CSMD3: variants seen among roughly 807,000 people sequenced by gnomAD.
CSMD3 encodes the protein CUB and sushi domain-containing protein 3.
Under a neutral mutation model 435.2 loss-of-function variants are expected in CSMD3, and 177 were observed. The observed-to-expected ratio is 0.41, with a 90% confidence interval of 0.36 to 0.46. The LOEUF (loss-of-function observed/expected upper bound fraction) is 0.46. Ranked by LOEUF, CSMD3 falls within the 20% of genes least tolerant of loss-of-function variation. CSMD3 has a pLI of 0.34. For missense variants in CSMD3, 4,265 were observed against 4,504.6 expected (o/e 0.95, Z 1.52); for synonymous variants, 1,656 against 1,520.5 (o/e 1.09, Z -2.07).
At chr8:112,700,416 G>A (rs573254401) in intron 13 of CSMD3, among the ~76,000 whole-genome samples, 1 of 152,042 alleles carries the variant, frequency 6.6e-6, no homozygotes, top group South Asian at 2.1e-4. Context: ...CTGGAAAATC[G>A]CTTGAACCCA....
chr8:112,490,502 T>C (rs1820581454), intron 31 of CSMD3, among the ~76,000 whole-genome samples: 1 of 152,178 alleles, frequency 6.6e-6, no homozygotes, highest in Non-Finnish European at 1.5e-5. Flanking sequence ...GGTGGGCATA[T>C]TCTTAGTGAA....
chr8:112,571,629 G>A (rs1307184749), intron 24 of CSMD3, among the ~76,000 whole-genome samples: 1 of 151,858 alleles, frequency 6.6e-6, no homozygotes, highest in Non-Finnish European at 1.5e-5. Flanking sequence ...AGCACTTTGC[G>A]AGGCCTAGGT....
chr8:112,967,172 C>T (rs542500276), intron 7 of CSMD3, among the ~76,000 whole-genome samples: 1 of 92,958 alleles, frequency 1.1e-5, no homozygotes, highest in Admixed American at 1.4e-4. Flanking sequence ...AAGACCTATA[C>T]TCCAAGAAAC....
intron 58 of CSMD3, among the ~76,000 whole-genome samples, chr8:112,283,773 C>A (rs1301739098): frequency 1.3e-5 from 2 of 151,610 alleles, no homozygotes; most frequent in Non-Finnish European, 3.0e-5. Flanking sequence ...ATATTTACAA[C>A]TCTGTACATT....
intron 22 of CSMD3, among the ~76,000 whole-genome samples, chr8:112,593,760 T>C (rs1831405741): frequency 6.6e-6 from 1 of 152,062 alleles, no homozygotes; most frequent in East Asian, 1.9e-4. Flanking sequence ...AAGAAAATAA[T>C]TGTCATCAGT....
At chr8:113,152,392 G>A (rs542934721) in intron 4 of CSMD3, among the ~76,000 whole-genome samples, 1 of 152,120 alleles carries the variant, frequency 6.6e-6, no homozygotes, top group East Asian at 2.0e-4. Flanking sequence ...TATATGGGGA[G>A]ATGCATAGAA....
chr8:112,951,225 C>A (rs1159425107), intron 8 of CSMD3, among the ~76,000 whole-genome samples: 1 of 151,838 alleles, frequency 6.6e-6, no homozygotes, highest in Non-Finnish European at 1.5e-5. Flanking sequence ...CATCTGCTTT[C>A]ATTTCACAGT....
intron 38 of CSMD3, among the ~76,000 whole-genome samples, chr8:112,369,376 G>A (rs1563851107): frequency 6.6e-6 from 1 of 152,060 alleles, no homozygotes; most frequent in Non-Finnish European, 1.5e-5. Context: ...TTGAAATTTA[G>A]TTCCCCTTCT....
intron 2 of CSMD3, among the ~76,000 whole-genome samples, chr8:113,290,934 AT>A (rs1002219719): frequency 6.6e-5 from 10 of 151,344 alleles, no homozygotes; most frequent in Non-Finnish European, 1.2e-4. Context: ...TATATGAAGT[AT>A]TTTTTTAAAT....
At chr8:113,227,811 G>T (rs2093044645) in intron 3 of CSMD3, among the ~76,000 whole-genome samples, 1 of 151,568 alleles carries the variant, frequency 6.6e-6, no homozygotes, top group African/African-American at 2.4e-5. Context: ...CCCCATCGCA[G>T]GTTCTTTGTA....
intron 10 of CSMD3, among the ~76,000 whole-genome samples, chr8:112,865,717 C>T (rs866298481): frequency 1.3e-5 from 2 of 151,682 alleles, no homozygotes; most frequent in Non-Finnish European, 2.9e-5. Flanking sequence ...CACACACACA[C>T]ACACACACAC....
At chr8:112,426,661 G>T (rs942698860) in intron 32 of CSMD3, among the ~76,000 whole-genome samples, 1 of 152,130 alleles carries the variant, frequency 6.6e-6, no homozygotes, top group African/African-American at 2.4e-5. Flanking sequence ...TCTGATTAAG[G>T]TTTGCTCAAA....
chr8:113,333,312 T>G (rs1242325739), intron 1 of CSMD3, among the ~76,000 whole-genome samples: 1 of 151,830 alleles, frequency 6.6e-6, no homozygotes, highest in African/African-American at 2.4e-5. Context: ...CTTTGTCCTG[T>G]TATGGATCCT....
At chr8:113,415,963 C>A (rs1310997590) in intron 1 of CSMD3, among the ~76,000 whole-genome samples, 1 of 151,952 alleles carries the variant, frequency 6.6e-6, no homozygotes. Context: ...TTCATGTTTG[C>A]CAGTATATAC....
intron 6 of CSMD3, among the ~76,000 whole-genome samples, chr8:113,016,421 T>C (rs886232015): frequency 1.3e-5 from 2 of 151,818 alleles, no homozygotes; most frequent in South Asian, 4.1e-4. Context: ...TCTATGTACC[T>C]ACTCCATCAA....
At chr8:112,871,473 G>T (rs2081133043) in intron 10 of CSMD3, among the ~76,000 whole-genome samples, 1 of 152,028 alleles carries the variant, frequency 6.6e-6, no homozygotes, top group Non-Finnish European at 1.5e-5. Context: ...AAACTTGGAA[G>T]AAATATATTA....
rs771728094 is a variant in CSMD3 at position 113,365,746 on chromosome 8, T to C, written c.179-50953A>G. On this transcript the variant is annotated intron_variant, in intron 1 of 70. Coordinates refer to ENST00000297405, the MANE Select transcript of CSMD3 (RefSeq NM_198123.2). The stretch of plus-strand genomic sequence containing the variant: ...ACATATATGTGCCTGTCCCACTGTG[T>C]CTGTATAGGTGAGTTTTGTCAATAA... Among the ~76,000 whole-genome samples the C allele has an allele frequency of 6.6e-5, 10 of 152,154 alleles. No homozygotes were observed. The East Asian group carries it at 1.2e-3, about 18-fold the overall frequency.
At position 112,517,183 on chromosome 8, in the gene CSMD3, T is replaced by C. The variant is rs1563646756; in HGVS notation, c.4607A>G (p.Asn1536Ser). ...TCTTCCATCCCCATTTCGAGTCCCATTCATGGGGACCCCTGGGTCACGACA... is the reference window on the plus strand; with the variant it reads ...TCTTCCATCCCCATTTCGAGTCCCACTCATGGGGACCCCTGGGTCACGACA... Reference protein sequence around the residue: ...TACRDPGVPMNGTRNGDGREP... With the variant: ...TACRDPGVPMSGTRNGDGREP... Residue 1536 changes from asparagine (N) to serine (S), a missense_variant, in exon 28 of 71, where the codon AAT (asparagine) becomes AGT (serine). Physicochemically the swap from Asn to Ser is conservative, Grantham distance 46. Transcript: ENST00000297405. 1 of 1,613,726 alleles carries C rather than the reference T, an allele frequency of 6.2e-7. No individual in the cohort carries two copies. The highest frequency in any genetic ancestry group is 1.7e-4 in the Middle Eastern group (1 of 6,040).
rs185005020 is a variant in CSMD3, at chr8:113,397,299, T to C, written c.178+39378A>G. Reference sequence around the variant, plus strand: ...AACTTTTCATGTGTTATGTAAACATTTACGTTTCTTCTTTATGGTCTCTTT... The same window carrying C: ...AACTTTTCATGTGTTATGTAAACATCTACGTTTCTTCTTTATGGTCTCTTT... On this transcript the variant is annotated intron_variant, in intron 1 of 70. Coordinates refer to ENST00000297405, the MANE Select transcript of CSMD3 (RefSeq NM_198123.2). 1.3e-3 allele frequency among the ~76,000 whole-genome samples: 194 copies of C among 152,250 alleles called. 1 individual carries two copies. Among genetic ancestry groups the C allele is most frequent in the Non-Finnish European group, 1.3e-3 (86 of 68,016 alleles).
Sources: gnomAD v4.1 joint callset for allele counts (sites outside exome capture counted in the v4.1 genomes callset) on GRCh38, gnomAD v4.1.1 for gene constraint, MANE v1.5 for transcripts, NCBI Gene and HGNC (gene_info 2026-07-23, HGNC 2026-07-21) for gene names.